PTPRM: variants seen among roughly 807,000 people sequenced by gnomAD.
The protein encoded by PTPRM is protein tyrosine phosphatase receptor type M, also known as receptor-type tyrosine-protein phosphatase mu.
Under a neutral mutation model 186.7 loss-of-function variants are expected in PTPRM, and 47 were observed. That is an observed-to-expected ratio of 0.25 (90% CI 0.20 to 0.32). The LOEUF is 0.32. Ranked by LOEUF, PTPRM falls within the 10% of genes least tolerant of loss-of-function variation. PTPRM has a pLI of 1.00. For synonymous variants in PTPRM, 668 were observed against 674.9 expected (o/e 0.99, Z 0.16); for missense variants, 1,494 against 1,865.0 (o/e 0.80, Z 3.66).
chr18:7,834,307 G>A (rs918429400), intron 2 of PTPRM, among the ~76,000 whole-genome samples: 26 of 150,840 alleles, frequency 1.7e-4, no homozygotes, highest in Non-Finnish European at 3.5e-4. Context: ...TCTTTTTAAT[G>A]TATTGTTGAA....
chr18:7,850,938 A>G (rs191695433), intron 2 of PTPRM, among the ~76,000 whole-genome samples: 78 of 152,330 alleles, frequency 5.1e-4, no homozygotes, highest in African/African-American at 1.8e-3. Context: ...TTTAACTTCA[A>G]TATAACATGG....
At chr18:8,237,652 G>GT (rs2094362272) in intron 14 of PTPRM, among the ~76,000 whole-genome samples, 1 of 151,882 alleles carries the variant, frequency 6.6e-6, no homozygotes, top group Admixed American at 6.6e-5. Flanking sequence ...CACCATGTTG[G>GT]TTAGGCTGGT....
intron 6 of PTPRM, among the ~76,000 whole-genome samples, chr18:7,952,469 C>T (rs1297195834): frequency 1.3e-5 from 2 of 151,894 alleles, no homozygotes; most frequent in African/African-American, 2.4e-5. Flanking sequence ...GAGGCTGAGG[C>T]GGGTGGATCA....
In PTPRM at chr18:8,219,340, G is replaced by A. The variant is rs1047488676; in HGVS notation, c.2301-24718G>A. Among the ~76,000 whole-genome samples, 11 of 152,148 alleles carry A rather than the reference G, an allele frequency of 7.2e-5. No individual in the cohort carries two copies. The East Asian group carries it at 1.9e-3, about 27-fold the overall frequency. Reference sequence around the variant, plus strand: ...AAATTAGCCGGGCGTGGTGGAGGACGCCTGTAGTCCCAGCTACTCGGGAGG... The same window carrying A: ...AAATTAGCCGGGCGTGGTGGAGGACACCTGTAGTCCCAGCTACTCGGGAGG... On this transcript the variant is annotated intron_variant, in intron 14 of 32. Transcript: ENST00000580170.
At chr18:7,780,866 C>T (rs2145072993) in intron 2 of PTPRM, among the ~76,000 whole-genome samples, 1 of 152,184 alleles carries the variant, frequency 6.6e-6, no homozygotes, top group East Asian at 1.9e-4. Flanking sequence ...ACCAAGAGGC[C>T]ATGGAGGCTG....
At chr18:8,261,222 C>CAAAA (rs1207143592) in intron 19 of PTPRM, among the ~76,000 whole-genome samples, 2 of 152,148 alleles carry the variant, frequency 1.3e-5, no homozygotes, top group African/African-American at 2.4e-5. Context: ...CAAAACAAAA[C>CAAAA]CAAACCATTG....
intron 7 of PTPRM, among the ~76,000 whole-genome samples, chr18:8,014,200 G>C (rs1390901803): frequency 2.0e-5 from 3 of 151,574 alleles, no homozygotes; most frequent in Non-Finnish European, 4.4e-5. Flanking sequence ...TCAATTTTTT[G>C]AAAAAAATTT....
chr18:8,237,420 T>C (rs971460981), intron 14 of PTPRM, among the ~76,000 whole-genome samples: 15 of 149,866 alleles, frequency 1.0e-4, no homozygotes, highest in Non-Finnish European at 1.8e-4. Flanking sequence ...TGCTGGCAAC[T>C]GATTCCCTCA....
In PTPRM at chr18:8,114,676, G is replaced by A. The variant is rs74390244; in HGVS notation, c.2131-115G>A. On this transcript the variant is annotated intron_variant, in intron 12 of 32. Transcript: ENST00000580170. ...ATAATTGCTGTGTGATTAAAGACAC[G>A]CTCAGAACAGTGAGATCCTTCCTTA... 1,455 of 847,908 alleles carry A rather than the reference G, an allele frequency of 1.7e-3. 13 individuals are homozygous for A. The African/African-American group carries it at 0.022, about 13-fold the overall frequency. 52.5% of individuals were successfully genotyped at this position (847,908 alleles called of 1,614,324 possible). A position where few individuals can be genotyped will look rare whatever the true frequency, so the allele number is the denominator to read the frequency against.
intron 7 of PTPRM, among the ~76,000 whole-genome samples, chr18:8,013,669 C>A (rs925705558): frequency 1.3e-5 from 2 of 152,090 alleles, no homozygotes; most frequent in Admixed American, 6.6e-5. Flanking sequence ...AGCTGCACAG[C>A]CTCCTGGGGT....
chr18:8,030,499 G>A (rs2085892565), intron 7 of PTPRM, among the ~76,000 whole-genome samples: 1 of 152,176 alleles, frequency 6.6e-6, no homozygotes, highest in African/African-American at 2.4e-5. Context: ...TGTGTTAGTG[G>A]CATTTCTTAG....
chr18:8,143,839 G>T (rs1282397280), intron 14 of PTPRM, 60 bp downstream of exon 14: 32 of 1,586,732 alleles, frequency 2.0e-5, no homozygotes, highest in Non-Finnish European at 2.5e-5. Context: ...GGAATGTTTT[G>T]TGTGTGTGAA....
At chr18:8,335,536 C>G (rs2095434322) in intron 22 of PTPRM, among the ~76,000 whole-genome samples, 1 of 152,174 alleles carries the variant, frequency 6.6e-6, no homozygotes, top group Non-Finnish European at 1.5e-5. Flanking sequence ...AAGAGATAGA[C>G]AGTATGAAAT....
In PTPRM at chr18:7,672,889, C is replaced by T. The variant is rs151296070; in HGVS notation, c.74-101260C>T. Reference sequence around the variant, plus strand: ...CCCTGATGTTGGAGCCCAATCTGCACGCACACCTGCGTGCACACCTAGGCC... The same window carrying T: ...CCCTGATGTTGGAGCCCAATCTGCATGCACACCTGCGTGCACACCTAGGCC... On this transcript the variant is annotated intron_variant, in intron 1 of 32. Transcript: ENST00000580170. Among the ~76,000 whole-genome samples, 78 of 152,290 alleles carry T rather than the reference C, an allele frequency of 5.1e-4. 1 individual carries two copies. The highest frequency in any genetic ancestry group is 1.7e-3 in the African/African-American group (71 of 41,568).
At chr18:7,666,686 C>T (rs2039104006) in intron 1 of PTPRM, among the ~76,000 whole-genome samples, 1 of 152,210 alleles carries the variant, frequency 6.6e-6, no homozygotes, top group South Asian at 2.1e-4. Context: ...GACTAAGGCC[C>T]TGCTGTTTTT....
At chr18:8,101,582 C>T (rs2091291936) in intron 11 of PTPRM, among the ~76,000 whole-genome samples, 1 of 152,112 alleles carries the variant, frequency 6.6e-6, no homozygotes, top group Non-Finnish European at 1.5e-5. Context: ...ATGCTTGGTC[C>T]CAAATGAAAT....
intron 6 of PTPRM, among the ~76,000 whole-genome samples, chr18:7,951,897 T>C (rs1010918143): frequency 1.3e-5 from 2 of 152,214 alleles, no homozygotes; most frequent in Admixed American, 1.3e-4. Context: ...ATTTTACAAA[T>C]GGGAGAAACT....
chr18:8,271,595 G>T (rs1172385266), intron 19 of PTPRM, among the ~76,000 whole-genome samples: 1 of 151,764 alleles, frequency 6.6e-6, no homozygotes, highest in African/African-American at 2.4e-5. Context: ...GTGTTTAAAA[G>T]TCACCTGTAA....
At chr18:8,202,398 T>C (rs896266624) in intron 14 of PTPRM, among the ~76,000 whole-genome samples, 6 of 152,198 alleles carry the variant, frequency 3.9e-5, no homozygotes, top group Non-Finnish European at 8.8e-5. Flanking sequence ...AGTTATCATA[T>C]TTCTGTTCAT....
Sources: allele counts gnomAD v4.1 joint callset (sites outside exome capture counted in the v4.1 genomes callset), GRCh38; gene constraint gnomAD v4.1.1; transcripts MANE v1.5; gene names NCBI Gene and HGNC (gene_info 2026-07-23, HGNC 2026-07-21).